PPIL2: variants seen among roughly 807,000 people sequenced by gnomAD.
PPIL2 encodes the protein peptidylprolyl isomerase like 2.
A neutral mutation model predicts 75.2 loss-of-function variants in PPIL2; 50 were observed. The observed-to-expected ratio is 0.66, with a 90% confidence interval of 0.53 to 0.84. The LOEUF is 0.84. PPIL2 is among the 40% of genes least tolerant of loss of function. The probability of loss-of-function intolerance (pLI) is 0.00; values close to 1 mark genes in which losing one functional copy is unlikely to be tolerated. For synonymous variants in PPIL2, 245 were observed against 258.8 expected (o/e 0.95, Z 0.51); for missense variants, 590 against 685.0 (o/e 0.86, Z 1.55).
intron 2 of PPIL2, 182 bp from the exon 3 acceptor site, chr22:21,670,384 C>CT (rs1172461850): frequency 4.0e-6 from 6 of 1,492,134 alleles, no homozygotes; most frequent in Non-Finnish European, 5.4e-6. Context: ...CCAGTAAGTT[C>CT]TTTTTTGATG....
At position 21,696,905 on chromosome 22, in the gene PPIL2, G is replaced by T. The variant is rs769848730; in HGVS notation, c.*1415G>T. The T allele has an allele frequency of 1.3e-6, 2 of 1,594,066 alleles. No individual in the cohort carries two copies. Among genetic ancestry groups the T allele is most frequent in the Non-Finnish European group, 8.5e-7 (1 of 1,170,946 alleles). On this transcript the variant is annotated 3_prime_UTR_variant, in exon 20 of 20. Transcript: ENST00000398831. ...CACAGGCTGCCTGATGACCACTAGA[G>T]GTATGTCTGCCCCTCGTCACCCTGC...
downstream of PPIL2, chr22:21,698,446 T>C (rs2068022321): frequency 6.6e-6 from 1 of 152,302 alleles, no homozygotes; most frequent in South Asian, 2.1e-4. Flanking sequence ...TTTTAGAAGT[T>C]TCTTCCATGT....
chr22:21,682,871 GC>G (rs1308642635), intron 8 of PPIL2, among the ~76,000 whole-genome samples: 11 of 152,216 alleles, frequency 7.2e-5, no homozygotes, highest in Non-Finnish European at 1.2e-4. Flanking sequence ...CCAGAGGTCG[GC>G]CCACGGCTGC....
At chr22:21,693,691 G>T in intron 15 of PPIL2, 125 bp from the exon 16 acceptor site, 1 of 970,022 alleles carries the variant, frequency 1.0e-6, no homozygotes. Context: ...GTGCACACAT[G>T]CGTCCGTGGA....
intron 10 of PPIL2, chr22:21,685,816 C>G: frequency 2.8e-6 from 1 of 360,178 alleles, no homozygotes; most frequent in Non-Finnish European, 5.4e-6. Flanking sequence ...TTTATTGGGG[C>G]TTTTCCCCGA....
At chr22:21,692,348 GT>G (rs1555900209) in intron 15 of PPIL2, among the ~76,000 whole-genome samples, 1 of 151,366 alleles carries the variant, frequency 6.6e-6, no homozygotes, top group Non-Finnish European at 1.5e-5. Flanking sequence ...TAGAGATGGG[GT>G]TTCACCGTGT....
chr22:21,682,223 C>T (rs881091), intron 7 of PPIL2, among the ~76,000 whole-genome samples: 20,596 of 152,192 alleles, frequency 0.14, 1,538 homozygotes, highest in Non-Finnish European at 0.16. Flanking sequence ...AAGGTTGCTG[C>T]GAGGGTGAAC....
intron 1 of PPIL2, chr22:21,669,479 C>A: frequency 5.2e-6 from 2 of 381,816 alleles, no homozygotes; most frequent in South Asian, 1.9e-5. Flanking sequence ...CACTGTGTGG[C>A]TGACATATAG....
At chr22:21,677,180 G>T (rs1439824998) in intron 6 of PPIL2, among the ~76,000 whole-genome samples, 1 of 151,702 alleles carries the variant, frequency 6.6e-6, no homozygotes, top group African/African-American at 2.4e-5. Context: ...AGACGGGGCG[G>T]CCAGGCAGAG....
Position 21,688,063 on chromosome 22 carries a change from G to A in PPIL2, c.988-10G>A, listed in dbSNP as rs770467012. ...GAGTGTGACTTGCTCACTGGCTTTTGTTTTCACAGATCCAAGGGGGCGACC... is the reference window on the plus strand; with the variant it reads ...GAGTGTGACTTGCTCACTGGCTTTTATTTTCACAGATCCAAGGGGGCGACC... On this transcript the variant is annotated splice_polypyrimidine_tract_variant and intron_variant, in intron 13 of 19. Transcript: ENST00000398831. The A allele has an allele frequency of 1.9e-6, 3 of 1,614,082 alleles. No individual in the cohort carries two copies. The highest frequency in any genetic ancestry group is 1.7e-5 in the Admixed American group (1 of 60,016).
intron 6 of PPIL2, among the ~76,000 whole-genome samples, chr22:21,680,864 CA>C (rs67687572): frequency 0.15 from 18,473 of 123,798 alleles, 1,388 homozygotes; most frequent in Non-Finnish European, 0.19. Context: ...CAGAGCAAAA[CA>C]AAAAAAAGAC....
At position 21,697,230 on chromosome 22, in the gene PPIL2, A is replaced by G; in HGVS notation, c.*1740A>G. Reference sequence around the variant, plus strand: ...ACTGCCCAGGTGTCCACACACCTGTAGGCCTCTGAGCCAGCGTCCAGGGTA... The same window carrying G: ...ACTGCCCAGGTGTCCACACACCTGTGGGCCTCTGAGCCAGCGTCCAGGGTA... On this transcript the variant is annotated 3_prime_UTR_variant, in exon 20 of 20. Coordinates refer to ENST00000398831, the MANE Select transcript of PPIL2 (RefSeq NM_014337.4). 1.9e-6 allele frequency: 1 copy of G among 538,886 alleles called. No homozygotes were observed. The allele number at this position is 538,886 out of a possible 1,614,324, so 33.4% of individuals were successfully genotyped here.
intron 10 of PPIL2, among the ~76,000 whole-genome samples, chr22:21,686,164 T>TA (rs1319746754): frequency 2.0e-5 from 3 of 152,036 alleles, no homozygotes; most frequent in South Asian, 2.1e-4. Flanking sequence ...CCTTGTCTCA[T>TA]AAAAAAATTA....
At chr22:21,687,553 A>G in intron 12 of PPIL2, 90 bp from the exon 13 acceptor site, 1 of 435,580 alleles carries the variant, frequency 2.3e-6, no homozygotes, top group East Asian at 7.8e-5. Context: ...TCCACCTCAA[A>G]AAAAAAAAAA....
rs916547783 is a variant in PPIL2, at chr22:21,688,187, C to T, written c.1021+81C>T. The T allele has an allele frequency of 7.0e-5, 108 of 1,552,156 alleles. 1 individual carries two copies. The highest frequency in any genetic ancestry group is 9.2e-5 in the Non-Finnish European group (104 of 1,126,986). ...AGGGGGTAGCTGGGCAGGGGTTGTGCACAGCTCAGACATGGAATCTGCTAG... is the reference window on the plus strand; with the variant it reads ...AGGGGGTAGCTGGGCAGGGGTTGTGTACAGCTCAGACATGGAATCTGCTAG... On this transcript the variant is annotated intron_variant, in intron 14 of 19. Transcript: ENST00000398831.
At chr22:21,686,653 G>A in intron 11 of PPIL2, 95 bp downstream of exon 11, 1 of 1,311,440 alleles carries the variant, frequency 7.6e-7, no homozygotes, top group Non-Finnish European at 1.1e-6. Context: ...GGTCTGTCAG[G>A]GGCTCCCACT....
At position 21,686,950 on chromosome 22, in the gene PPIL2, G is replaced by T; in HGVS notation, c.849G>T (p.Arg283=). The T allele has an allele frequency of 6.2e-7, 1 of 1,614,070 alleles. No individual in the cohort carries two copies. The highest frequency in any genetic ancestry group is 8.5e-7 in the Non-Finnish European group (1 of 1,180,016). Residue 283 remains arginine, a synonymous_variant, in exon 12 of 20, where the codon CGG becomes CGT. Transcript: ENST00000398831. ...YQFVKKKGYV[R]LHTNKGDLNL... ...TTGTGAAGAAGAAGGGCTACGTGCG[G>T]CTGCACACCAACAAGGGCGACCTCA...
chr22:21,692,405 T>G (rs5999092), intron 15 of PPIL2, among the ~76,000 whole-genome samples: 1 of 149,464 alleles, frequency 6.7e-6, no homozygotes, highest in Non-Finnish European at 1.5e-5. Flanking sequence ...CCGCCCACCT[T>G]GGCCTCCCAA....
In PPIL2 at chr22:21,694,973, C is replaced by G. The variant is rs1325640477; in HGVS notation, c.1369C>G (p.Pro457Ala). The change falls in exon 19 of 20, where the codon CCG (proline) becomes GCG (alanine). Residue 457 changes from proline (P) to alanine (A), a missense_variant. Coordinates refer to ENST00000398831, the MANE Select transcript of PPIL2 (RefSeq NM_014337.4). ...GCGGAAGACACAGCTCAAGGTAGCC[C>G]CGGAGACCAAAGTGAAGAGCAGCCA... ...QERKTQLKVA[P>A]ETKVKSSQPQ... 1 of 1,613,884 alleles carries G rather than the reference C, an allele frequency of 6.2e-7. No homozygotes were observed. Among genetic ancestry groups the G allele is most frequent in the South Asian group, 1.1e-5 (1 of 91,088 alleles).
Sources: gnomAD v4.1 joint callset for allele counts (sites outside exome capture counted in the v4.1 genomes callset) on GRCh38, gnomAD v4.1.1 for gene constraint, MANE v1.5 for transcripts, NCBI Gene and HGNC (gene_info 2026-07-23, HGNC 2026-07-21) for gene names.